CYBC1: variants seen among roughly 807,000 people sequenced by gnomAD.
CYBC1 encodes cytochrome b-245 chaperone 1.
CYBC1 carries 22 observed loss-of-function variants against 21.7 expected under a neutral mutation model. The observed-to-expected ratio is 1.02, with a 90% CI of 0.73 to 1.45. The LOEUF (loss-of-function observed/expected upper bound fraction) is 1.45, where lower values mean the gene tolerates loss of function less well. Among genes scored for constraint, CYBC1 ranks in the 40% most tolerant of loss-of-function variants. CYBC1 has a pLI of 0.00. For synonymous variants in CYBC1, 112 were observed against 98.7 expected, an observed-to-expected ratio of 1.13 and a Z score of -0.80; for missense variants, 237 against 242.1, an observed-to-expected ratio of 0.98 and a Z score of 0.14.
rs2054258356 is a variant in CYBC1 at position 82,445,896 on chromosome 17, A to G, written c.266T>C (p.Leu89Pro). ...VLKTFSLYKK[L>P]LTLFRAGHDQ... is the part of the protein sequence containing the mutation. ...GTGGCCAGCTCTGAAAAGAGTCAGCAGCTTCTTGTAGAGGCTGAACGTCTT... is the reference window on the plus strand; with the variant it reads ...GTGGCCAGCTCTGAAAAGAGTCAGCGGCTTCTTGTAGAGGCTGAACGTCTT... Residue 89 changes from leucine (L) to proline (P), a missense_variant, in exon 5 of 7, where the codon CTG becomes CCG. By Grantham distance (98) the Leu-to-Pro change is moderately conservative (BLOSUM62 -3). Transcript: ENST00000306645. 1 of 1,613,426 alleles carries G rather than the reference A, an allele frequency of 6.2e-7. No individual in the cohort carries two copies. The highest frequency in any genetic ancestry group is 8.5e-7 in the Non-Finnish European group (1 of 1,179,698).
intron 6 of CYBC1, 152 bp from the exon 7 acceptor site, chr17:82,444,276 C>T (rs548454369): frequency 7.0e-7 from 1 of 1,428,836 alleles, no homozygotes; most frequent in Non-Finnish European, 9.3e-7. Context: ...TCCCAGCCTC[C>T]CCGTCACAGT....
intron 4 of CYBC1, among the ~76,000 whole-genome samples, chr17:82,446,190 C>T (rs1055166818): frequency 2.0e-5 from 3 of 152,204 alleles, no homozygotes; most frequent in African/African-American, 7.2e-5. Context: ...GTGCAGCAGG[C>T]GCTTGCTCCA....
Position 82,443,483 on chromosome 17 carries a change from GGA to G in CYBC1, c.*519_*520del, listed in dbSNP as rs1200002308. 2.9e-6 allele frequency: 2 copies of G among 689,528 alleles called. No homozygotes were observed. The highest frequency in any genetic ancestry group is 5.3e-6 in the Non-Finnish European group (2 of 376,884). The allele number at this position is 689,528 out of a possible 1,614,324, so 42.7% of individuals were successfully genotyped here. A position where few individuals can be genotyped will look rare whatever the true frequency, so the allele number is the denominator to read the frequency against. Reference sequence around the variant, plus strand: ...CCTTGGGGAAGCACCTGACCGCTGGGGATGTCCACCAGGGAGAGGACGCTGTG... The same window carrying G: ...CCTTGGGGAAGCACCTGACCGCTGGGTGTCCACCAGGGAGAGGACGCTGTG... On this transcript the variant is annotated 3_prime_UTR_variant, in exon 7 of 7. Coordinates refer to ENST00000306645, the MANE Select transcript of CYBC1 (RefSeq NM_001033046.4). This position sits in a 1 kb window ranked among gnomAD's most constrained non-coding sequence, Gnocchi z 6.7.
At chr17:82,449,561 G>C (rs893383278) in intron 1 of CYBC1, 2 of 350,780 alleles carry the variant, frequency 5.7e-6, no homozygotes, top group South Asian at 1.9e-4. Context: ...ACGAGCTACA[G>C]CTGCATCACC....
At chr17:82,446,757 G>T (rs1025106125) in intron 3 of CYBC1, 61 bp from the exon 4 acceptor site, 35 of 1,507,320 alleles carry the variant, frequency 2.3e-5, no homozygotes, top group Non-Finnish European at 3.2e-5. Context: ...GGGAGGCCCC[G>T]CCTAGCACAG....
intron 2 of CYBC1, chr17:82,448,943 G>A (rs868284835): frequency 1.8e-6 from 1 of 546,192 alleles, no homozygotes; most frequent in African/African-American, 1.9e-5. Context: ...AGCTCATAGA[G>A]TATATTAAAT....
intron 4 of CYBC1, 126 bp from the exon 5 acceptor site, chr17:82,446,086 A>T (rs2054272128): frequency 1.4e-6 from 1 of 721,516 alleles, no homozygotes; most frequent in African/African-American, 1.8e-5. Context: ...CCTCCCAGTC[A>T]GAACCCAAAC....
chr17:82,444,634 A>G (rs375485916), intron 5 of CYBC1, 43 bp from the exon 6 acceptor site: 1 of 1,558,276 alleles, frequency 6.4e-7, no homozygotes, highest in Admixed American at 1.8e-5. Context: ...CCGCCCACAC[A>G]TGCTGCCCGG....
chr17:82,449,060 T>C, intron 2 of CYBC1, 110 bp downstream of exon 2: 1 of 864,576 alleles, frequency 1.2e-6, no homozygotes, highest in Non-Finnish European at 1.8e-6. Context: ...AAATAGCCAT[T>C]AGATTTCAAG....
At chr17:82,446,995 G>C (rs1472748841) in intron 3 of CYBC1, 5 of 487,294 alleles carry the variant, frequency 1.0e-5, no homozygotes, top group Non-Finnish European at 1.8e-5. Context: ...CCCACAGCTG[G>C]ATCTTAGATC....
chr17:82,444,268 C>G, intron 6 of CYBC1, 144 bp from the exon 7 acceptor site: 1 of 1,434,012 alleles, frequency 7.0e-7, no homozygotes, highest in Non-Finnish European at 9.3e-7. Flanking sequence ...TGGCCTGCTC[C>G]CAGCCTCCCC....
intron 4 of CYBC1, 35 bp downstream of exon 4, chr17:82,446,588 C>T: frequency 6.2e-7 from 1 of 1,605,786 alleles, no homozygotes; most frequent in Non-Finnish European, 8.5e-7. Context: ...AGCTGAACAG[C>T]CCTGGACTCT....
At chr17:82,447,795 G>A (rs2054397461) in intron 2 of CYBC1, 174 bp from the exon 3 acceptor site, 1 of 670,790 alleles carries the variant, frequency 1.5e-6, no homozygotes, top group Non-Finnish European at 2.7e-6. Context: ...CCAGGAAGCT[G>A]GTTCAATAAT....
intron 3 of CYBC1, 151 bp downstream of exon 3, chr17:82,447,429 G>A (rs1340064408): frequency 1.6e-5 from 11 of 698,990 alleles, no homozygotes; most frequent in South Asian, 9.3e-5. Flanking sequence ...GCAGCGCATG[G>A]AGGGCGCGGT....
Position 82,445,732 on chromosome 17 carries a change from C to G in CYBC1, c.298+132G>C, listed in dbSNP as rs1306075164. On this transcript the variant is annotated intron_variant, in intron 5 of 6. Coordinates refer to ENST00000306645, the MANE Select transcript of CYBC1 (RefSeq NM_001033046.4). ...TGCTTCCAGCGGGCAGGACACAACCCTGGTCACCAAGCAGGTGAGCTTGGA... is the reference window on the plus strand; with the variant it reads ...TGCTTCCAGCGGGCAGGACACAACCGTGGTCACCAAGCAGGTGAGCTTGGA... 1.7e-4 allele frequency: 109 copies of G among 641,222 alleles called. 1 individual carries two copies. The highest frequency in any genetic ancestry group is 2.7e-5 in the Non-Finnish European group (10 of 374,368). The allele number at this position is 641,222 out of a possible 1,614,324, so 39.7% of individuals were successfully genotyped here.
intron 5 of CYBC1, chr17:82,444,989 G>C (rs1293973188): frequency 2.3e-5 from 4 of 176,690 alleles, no homozygotes; most frequent in Non-Finnish European, 4.8e-5. Context: ...TCGGGTACTG[G>C]GGCGGTCCCA....
chr17:82,443,299 AAC>A lies in CYBC1; in HGVS notation c.*703_*704del. 2.6e-6 allele frequency: 1 copy of A among 380,448 alleles called. No individual in the cohort carries two copies. The highest frequency in any genetic ancestry group is 5.1e-6 in the Non-Finnish European group (1 of 195,972). 23.6% of individuals were successfully genotyped at this position (380,448 alleles called of 1,614,324 possible). On this transcript the variant is annotated 3_prime_UTR_variant, in exon 7 of 7. Coordinates refer to ENST00000306645, the MANE Select transcript of CYBC1 (RefSeq NM_001033046.4). This position sits in a 1 kb window ranked among gnomAD's most constrained non-coding sequence, Gnocchi z 6.7. ...GCTTATGCTGAAGCTGAGTGTGAGG[AAC>A]AGAGAGACCTTTCTGTGACGACCGC...
At chr17:82,446,779 C>A in intron 3 of CYBC1, 83 bp from the exon 4 acceptor site, 1 of 1,417,434 alleles carries the variant, frequency 7.1e-7, no homozygotes. Context: ...CTCCCCCAGA[C>A]GCTGGCCAGA....
Position 82,444,000 on chromosome 17 carries a change from G to A in CYBC1, c.*4C>T. ...GGTGCACGGGCTCAGGCACAGTGGGGCTGTCAGCTCTGGCTTGCAGGGTCA... is the reference window on the plus strand; with the variant it reads ...GGTGCACGGGCTCAGGCACAGTGGGACTGTCAGCTCTGGCTTGCAGGGTCA... On this transcript the variant is annotated 3_prime_UTR_variant, in exon 7 of 7. Coordinates refer to ENST00000306645, the MANE Select transcript of CYBC1 (RefSeq NM_001033046.4). This position sits in a 1 kb window ranked among gnomAD's most constrained non-coding sequence, Gnocchi z 6.7. The A allele has an allele frequency of 1.2e-6, 2 of 1,612,086 alleles. No individual in the cohort carries two copies. Among genetic ancestry groups the A allele is most frequent in the Non-Finnish European group, 1.7e-6 (2 of 1,179,986 alleles).
Sources: allele counts gnomAD v4.1 joint callset (sites outside exome capture counted in the v4.1 genomes callset), GRCh38; gene constraint gnomAD v4.1.1; non-coding constraint Gnocchi (gnomAD v3.1); transcripts MANE v1.5; gene names NCBI Gene and HGNC (gene_info 2026-07-23, HGNC 2026-07-21).